SNAP91: variants seen among roughly 807,000 people sequenced by gnomAD.
The protein encoded by SNAP91 is clathrin coat assembly protein AP180.
Under a neutral mutation model 100.3 loss-of-function variants are expected in SNAP91, and 27 were observed. That is an observed-to-expected ratio of 0.27 (90% CI 0.20 to 0.37). The LOEUF (loss-of-function observed/expected upper bound fraction) is 0.37. Among genes scored for constraint, SNAP91 ranks in the 10% least tolerant of loss-of-function variants. SNAP91 has a pLI of 1.00. For missense variants in SNAP91, 986 were observed against 1,123.7 expected (o/e 0.88, Z 1.75); for synonymous variants, 404 against 398.6 (o/e 1.01, Z -0.16).
chr6:83,614,749 C>G (rs1441525397), intron 11 of SNAP91, 108 bp downstream of exon 11: 16 of 779,630 alleles, frequency 2.1e-5, no homozygotes, highest in Non-Finnish European at 3.2e-5. Context: ...GTAAAAGGGA[C>G]AGAAATCAGT....
intron 2 of SNAP91, chr6:83,690,554 G>A (rs937097454): frequency 9.6e-5 from 41 of 425,632 alleles, no homozygotes; most frequent in African/African-American, 7.8e-4. Context: ...TTTGACTAAC[G>A]TACCTCTAAA....
At chr6:83,689,338 T>A (rs2099102893) in intron 2 of SNAP91, among the ~76,000 whole-genome samples, 1 of 152,124 alleles carries the variant, frequency 6.6e-6, no homozygotes, top group Non-Finnish European at 1.5e-5. Flanking sequence ...ATCCAATTAA[T>A]CCCTCAAAAT....
At chr6:83,629,988 T>C (rs1011758955) in intron 8 of SNAP91, among the ~76,000 whole-genome samples, 1 of 152,144 alleles carries the variant, frequency 6.6e-6, no homozygotes, top group Non-Finnish European at 1.5e-5. Flanking sequence ...GTTGTGGGTT[T>C]GTCATAGATG....
At chr6:83,642,893 A>G (rs953259048) in intron 7 of SNAP91, among the ~76,000 whole-genome samples, 16 of 152,150 alleles carry the variant, frequency 1.1e-4, no homozygotes, top group African/African-American at 3.4e-4. Context: ...TAACTGGTGT[A>G]AGATGGTATC....
chr6:83,595,079 C>A (rs1341565199), intron 16 of SNAP91, among the ~76,000 whole-genome samples: 1 of 152,058 alleles, frequency 6.6e-6, no homozygotes, highest in Non-Finnish European at 1.5e-5. Context: ...CATTTTCAAA[C>A]ATAACCAATA....
Position 83,596,644 on chromosome 6 carries a change from A to G in SNAP91, c.1325-2163T>C, listed in dbSNP as rs1020761432. On this transcript the variant is annotated intron_variant, in intron 16 of 29. Transcript: ENST00000369694. Reference sequence around the variant, plus strand: ...AAGCGTGTGTGTTCTCATCACAAACAATAAGTGAGGTAATGCATCTATGTT... The same window carrying G: ...AAGCGTGTGTGTTCTCATCACAAACGATAAGTGAGGTAATGCATCTATGTT... Among the ~76,000 whole-genome samples the G allele has an allele frequency of 2.1e-5, 3 of 141,872 alleles. No homozygotes were observed. The East Asian group carries it at 6.0e-4, about 28-fold the overall frequency. 93.1% of individuals were successfully genotyped at this position (141,872 alleles called of 152,430 possible).
intron 22 of SNAP91, among the ~76,000 whole-genome samples, chr6:83,587,042 A>G (rs1035904349): frequency 6.6e-6 from 1 of 152,176 alleles, no homozygotes; most frequent in African/African-American, 2.4e-5. Context: ...AATAAAGAAG[A>G]ATAGTTTTTA....
At chr6:83,578,729 T>G (rs1823569482) in intron 24 of SNAP91, among the ~76,000 whole-genome samples, 1 of 152,170 alleles carries the variant, frequency 6.6e-6, no homozygotes, top group African/African-American at 2.4e-5. Context: ...AAGTATTACA[T>G]TTTGATATAT....
intron 4 of SNAP91, 31 bp from the exon 5 acceptor site, chr6:83,661,635 A>G: frequency 8.0e-7 from 1 of 1,249,084 alleles, no homozygotes; most frequent in Non-Finnish European, 1.1e-6. Flanking sequence ...AATAAAACTA[A>G]TTAATAAAAT....
chr6:83,670,787 C>T (rs919718740), intron 2 of SNAP91, among the ~76,000 whole-genome samples: 4 of 151,840 alleles, frequency 2.6e-5, no homozygotes, highest in Non-Finnish European at 5.9e-5. Context: ...ATTGCCTTTG[C>T]ATCTTTGTCA....
intron 2 of SNAP91, among the ~76,000 whole-genome samples, chr6:83,683,960 G>C (rs2099026551): frequency 6.6e-6 from 1 of 152,120 alleles, no homozygotes. Flanking sequence ...TCCCTGCTCT[G>C]TGTTAATAAT....
rs777979473 is a variant in SNAP91, at chr6:83,623,293, T to C, written c.807+8A>G. ...CATACTGAATCTTCCACTGGGAGAG[T>C]TGCTTACCTGTGTGAGGTCAGGAAT... is the stretch of plus-strand genomic sequence containing the variant. On this transcript the variant is annotated splice_region_variant and intron_variant, in intron 9 of 29. Coordinates refer to ENST00000369694, the MANE Select transcript of SNAP91 (RefSeq NM_001242792.2). The C allele has an allele frequency of 9.4e-6, 15 of 1,603,186 alleles. No homozygotes were observed. The East Asian group carries it at 1.6e-4, about 17-fold the overall frequency.
chr6:83,688,745 C>T (rs1298341774), intron 2 of SNAP91, among the ~76,000 whole-genome samples: 2 of 152,042 alleles, frequency 1.3e-5, no homozygotes, highest in African/African-American at 4.8e-5. Flanking sequence ...CCTTGTGATC[C>T]ACCCACTTCA....
At chr6:83,690,223 T>G in intron 2 of SNAP91, 3 of 992,852 alleles carry the variant, frequency 3.0e-6, no homozygotes, top group Non-Finnish European at 3.7e-6. Context: ...GAATACTTAC[T>G]AATACTACTA....
chr6:83,602,442 T>C (rs2095320765), intron 14 of SNAP91, among the ~76,000 whole-genome samples: 1 of 152,196 alleles, frequency 6.6e-6, no homozygotes, highest in Admixed American at 6.5e-5. Context: ...TTTTACAGTT[T>C]ATAATTTACT....
intron 8 of SNAP91, among the ~76,000 whole-genome samples, chr6:83,629,985 G>A (rs2097141330): frequency 1.3e-5 from 2 of 152,042 alleles, no homozygotes; most frequent in African/African-American, 4.8e-5. Flanking sequence ...CTGGTTGTGG[G>A]TTTGTCATAG....
intron 7 of SNAP91, among the ~76,000 whole-genome samples, chr6:83,642,281 C>CT (rs2097741186): frequency 6.6e-6 from 1 of 152,026 alleles, no homozygotes. Flanking sequence ...TGTTGGTGTG[C>CT]TGCACCCATT....
chr6:83,565,283 T>C (rs1795010614), intron 26 of SNAP91, among the ~76,000 whole-genome samples: 1 of 152,082 alleles, frequency 6.6e-6, no homozygotes, highest in African/African-American at 2.4e-5. Flanking sequence ...TCACCAGAGA[T>C]AACTTGAGAC....
At chr6:83,595,170 C>T (rs1056467176) in intron 16 of SNAP91, among the ~76,000 whole-genome samples, 1 of 151,558 alleles carries the variant, frequency 6.6e-6, no homozygotes, top group African/African-American at 2.4e-5. Context: ...AACACTCTTA[C>T]TAAGTTTACT....
Sources: allele counts gnomAD v4.1 joint callset (sites outside exome capture counted in the v4.1 genomes callset), GRCh38; gene constraint gnomAD v4.1.1; transcripts MANE v1.5; gene names NCBI Gene and HGNC (gene_info 2026-07-23, HGNC 2026-07-21).